PFKP: variants seen among roughly 807,000 people sequenced by gnomAD.
PFKP encodes ATP-dependent 6-phosphofructokinase, platelet type.
Under a neutral mutation model 94.3 loss-of-function variants are expected in PFKP, and 101 were observed. That is an observed-to-expected ratio of 1.07 (90% CI 0.91 to 1.26). PFKP has a LOEUF of 1.26. Among genes scored for constraint, PFKP ranks in the 50% most tolerant of loss-of-function variants. The probability of loss-of-function intolerance (pLI) is 0.00; values close to 1 mark genes in which losing one functional copy is unlikely to be tolerated. For missense variants in PFKP, 1,145 were observed against 1,103.3 expected (o/e 1.04, Z -0.53); for synonymous variants, 573 against 432.6 (o/e 1.32, Z -4.03).
At chr10:3,092,070 A>G (rs1834083055) in intron 2 of PFKP, among the ~76,000 whole-genome samples, 1 of 152,162 alleles carries the variant, frequency 6.6e-6, no homozygotes, top group African/African-American at 2.4e-5. Context: ...ATGTGCTGCC[A>G]TGGAGCCTGT....
intron 8 of PFKP, among the ~76,000 whole-genome samples, chr10:3,108,350 G>A (rs947038645): frequency 1.3e-5 from 2 of 152,248 alleles, no homozygotes; most frequent in Non-Finnish European, 2.9e-5. Context: ...CTGGTTCAAG[G>A]AAGATGTTTA....
intron 3 of PFKP, 139 bp from the exon 4 acceptor site, chr10:3,101,226 T>C (rs576431080): frequency 2.2e-5 from 17 of 782,198 alleles, no homozygotes; most frequent in South Asian, 1.8e-5. Flanking sequence ...CAGTCTTTCA[T>C]AGCTAGTTAC....
intron 16 of PFKP, among the ~76,000 whole-genome samples, chr10:3,124,072 A>G (rs868125694): frequency 4.0e-5 from 6 of 149,792 alleles, no homozygotes; most frequent in Non-Finnish European, 7.4e-5. Context: ...CACTGTCCGA[A>G]GCCCTCGGCC....
In PFKP at chr10:3,136,480, C is replaced by T. The variant is rs746939765; in HGVS notation, c.2256C>T (p.Leu752=). 1.2e-6 allele frequency: 2 copies of T among 1,613,658 alleles called. No homozygotes were observed. Among genetic ancestry groups the T allele is most frequent in the Non-Finnish European group, 8.5e-7 (1 of 1,179,746 alleles). ...EHRIPKEQWW[L]KLRPLMKILA... is the part of the protein sequence containing the mutation. ...GGATTCCCAAAGAACAGTGGTGGCT[C>T]AAGCTACGGCCCCTCATGAAAATCC... The change falls in exon 22 of 22, where the codon CTC becomes CTT. Residue 752 remains leucine, a synonymous_variant. Transcript: ENST00000381125.
chr10:3,092,667 T>C (rs1834134567), intron 2 of PFKP, among the ~76,000 whole-genome samples: 1 of 137,332 alleles, frequency 7.3e-6, no homozygotes, highest in African/African-American at 2.5e-5. Flanking sequence ...ATTATATGTG[T>C]CAATAAAATT....
intron 20 of PFKP, among the ~76,000 whole-genome samples, chr10:3,135,092 A>G (rs770699103): frequency 6.6e-6 from 1 of 152,236 alleles, no homozygotes; most frequent in Non-Finnish European, 1.5e-5. Flanking sequence ...TGAAGTTTCA[A>G]GAAACATGAC....
At position 3,107,230 on chromosome 10, in the gene PFKP, A is replaced by G. The variant is rs780142069; in HGVS notation, c.791A>G (p.Lys264Arg). Reference sequence around the variant, plus strand: ...TCTCCACAGAACCGTGCCCGGAAAAAAAGGCTGAATATTATTATTGTGGCT... The same window carrying G: ...TCTCCACAGAACCGTGCCCGGAAAAGAAGGCTGAATATTATTATTGTGGCT... Reference protein sequence around the residue: ...VKLSENRARKKRLNIIIVAEG... With the variant: ...VKLSENRARKRRLNIIIVAEG... Residue 264 changes from lysine to arginine, a missense_variant, in exon 8 of 22, where the codon AAA (lysine) becomes AGA (arginine). This residue lies in a region of PFKP where 1,119 missense variants were observed against 1,062.8 expected (regional missense o/e 1.05). Coordinates refer to ENST00000381125, the MANE Select transcript of PFKP (RefSeq NM_002627.5). The G allele has an allele frequency of 6.2e-7, 1 of 1,610,036 alleles. No homozygotes were observed. The highest frequency in any genetic ancestry group is 1.7e-5 in the Admixed American group (1 of 59,942).
In PFKP at chr10:3,104,871, C is replaced by G. The variant is rs1055153477; in HGVS notation, c.621-244C>G. On this transcript the variant is annotated intron_variant, in intron 5 of 21. Coordinates refer to ENST00000381125, the MANE Select transcript of PFKP (RefSeq NM_002627.5). ...CAGGCAGAAGGTGTCCAACGTGCAA[C>G]TGGAGAGCGCAGAGGTGGCTCAAGT... 7 of 577,430 alleles carry G rather than the reference C, an allele frequency of 1.2e-5. No homozygotes were observed. The Admixed American group carries it at 2.2e-4, about 18-fold the overall frequency. The allele number at this position is 577,430 out of a possible 1,614,324, so 35.8% of individuals were successfully genotyped here.
chr10:3,098,987 G>A (rs1229101214), intron 2 of PFKP, among the ~76,000 whole-genome samples: 2 of 152,160 alleles, frequency 1.3e-5, no homozygotes, highest in Admixed American at 1.3e-4. Flanking sequence ...AGCGAAACAC[G>A]ACCCTTTCAA....
At chr10:3,082,331 G>C (rs540366848) in intron 1 of PFKP, 57 bp from the exon 2 acceptor site, 1 of 1,343,220 alleles carries the variant, frequency 7.4e-7, no homozygotes, top group East Asian at 2.4e-5. Context: ...GTAGTTAGTG[G>C]CAGAGCCAGA....
Position 3,136,431 on chromosome 10 carries a change from TCTC to T in PFKP, c.2226-15_2226-13del, listed in dbSNP as rs750959101. 3 of 1,613,100 alleles carry T rather than the reference TCTC, an allele frequency of 1.9e-6. No homozygotes were observed. Among genetic ancestry groups the T allele is most frequent in the African/African-American group, 1.3e-5 (1 of 74,992 alleles). On this transcript the variant is annotated splice_polypyrimidine_tract_variant and intron_variant, in intron 21 of 21. Transcript: ENST00000381125. ...CCAGTGACTGCAGGCCTCACTGCTG[TCTC>T]CTCTTACCTCCACAGGCACAGGATT...
intron 4 of PFKP, among the ~76,000 whole-genome samples, chr10:3,103,189 A>G (rs993308813): frequency 2.0e-5 from 3 of 152,212 alleles, no homozygotes; most frequent in Non-Finnish European, 4.4e-5. Flanking sequence ...AAGTACTGAG[A>G]TGTTTGTTTA....
chr10:3,130,226 GACA>G (rs1838420821), intron 17 of PFKP, among the ~76,000 whole-genome samples: 7 of 145,466 alleles, frequency 4.8e-5, no homozygotes, highest in African/African-American at 1.8e-4. Context: ...TTGTTTGTTT[GACA>G]TAGTCTGTTG....
chr10:3,067,714 G>T lies in PFKP; in HGVS notation c.112+7G>T, dbSNP rs935492903. ...AGCGGCGGGGATGCTCAAGGTGCGC[G>T]CCCCCCTCCCGGCGGCGAGGGAGGG... On this transcript the variant is annotated splice_region_variant and intron_variant, in intron 1 of 21. Coordinates refer to ENST00000381125, the MANE Select transcript of PFKP (RefSeq NM_002627.5). 8.3e-6 allele frequency: 12 copies of T among 1,448,686 alleles called. No individual in the cohort carries two copies. Among genetic ancestry groups the T allele is most frequent in the African/African-American group, 4.4e-5 (3 of 68,190 alleles). 89.7% of individuals were successfully genotyped at this position (1,448,686 alleles called of 1,614,324 possible).
intron 1 of PFKP, among the ~76,000 whole-genome samples, chr10:3,072,773 C>T (rs1303425527): frequency 6.6e-6 from 1 of 151,910 alleles, no homozygotes; most frequent in Non-Finnish European, 1.5e-5. Context: ...AGGGCTCTAC[C>T]AATCTGATGG....
rs1481572126 is a variant in PFKP at position 3,097,586 on chromosome 10, T to TG, written c.187-1683dup. ...GCCTGTGAGCCAGGGCCTGGGTGCC[T>TG]GGGGGGTCTCGGGAGGTGCAGACGG... On this transcript the variant is annotated intron_variant, in intron 2 of 21. Transcript: ENST00000381125. Among the ~76,000 whole-genome samples the TG allele has an allele frequency of 4.6e-5, 7 of 152,098 alleles. No homozygotes were observed. The East Asian group carries it at 1.4e-3, about 29-fold the overall frequency.
intron 20 of PFKP, 111 bp from the exon 21 acceptor site, chr10:3,135,625 G>C (rs2306316): frequency 3.0e-6 from 2 of 662,974 alleles, no homozygotes; most frequent in South Asian, 1.9e-5. Flanking sequence ...CTTCCAGGCC[G>C]GGTTCAGCAT....
Position 3,076,982 on chromosome 10 carries a change from G to A in PFKP, c.113-5406G>A, listed in dbSNP as rs184881409. On this transcript the variant is annotated intron_variant, in intron 1 of 21. Coordinates refer to ENST00000381125, the MANE Select transcript of PFKP (RefSeq NM_002627.5). Reference sequence around the variant, plus strand: ...TACATTATCAAAGGAAAGACCCCTAGAAGGAACTTTGGCAGCAGTAGTGAG... The same window carrying A: ...TACATTATCAAAGGAAAGACCCCTAAAAGGAACTTTGGCAGCAGTAGTGAG... Among the ~76,000 whole-genome samples the A allele has an allele frequency of 1.4e-4, 21 of 152,322 alleles. 1 individual carries two copies. In the East Asian group the frequency reaches 3.9e-3, roughly 28 times the overall value.
intron 1 of PFKP, among the ~76,000 whole-genome samples, chr10:3,074,262 C>A (rs980322336): frequency 3.9e-5 from 6 of 152,194 alleles, no homozygotes; most frequent in African/African-American, 1.4e-4. Context: ...TGGTGAGGTG[C>A]GGGTACGACG....
Sources: gnomAD v4.1 joint callset for allele counts (sites outside exome capture counted in the v4.1 genomes callset) on GRCh38, gnomAD v4.1.1 for gene constraint, gnomAD v4.1.1 regional missense constraint, MANE v1.5 for transcripts, NCBI Gene and HGNC (gene_info 2026-07-23, HGNC 2026-07-21) for gene names.